Variants in EBF1 observed in about 807,000 individuals in gnomAD.
EBF1 encodes transcription factor COE1.
EBF1 carries 10 observed loss-of-function variants against 68.4 expected under a neutral mutation model. That is an observed-to-expected ratio of 0.15 (90% CI 0.09 to 0.25). EBF1 has a LOEUF of 0.25. Ranked by LOEUF, EBF1 falls within the 10% of genes least tolerant of loss-of-function variation. The pLI, the probability that EBF1 is intolerant of heterozygous loss-of-function variation, is 1.00. For synonymous variants in EBF1, 298 were observed against 299.8 expected (o/e 0.99, Z 0.06); for missense variants, 509 against 794.4 (o/e 0.64, Z 4.32).
chr5:158,822,259 C>CGGATGGATGGAT (rs1197459241), intron 8 of EBF1, among the ~76,000 whole-genome samples: 175 of 129,736 alleles, frequency 1.3e-3, no homozygotes, highest in Middle Eastern at 7.6e-3. Context: ...CTTGGATGGA[C>CGGATGGATGGAT]GGATGGACGG....
chr5:159,018,975 T>C (rs1766140486), intron 6 of EBF1: 1 of 152,248 alleles, frequency 6.6e-6, no homozygotes, highest in Non-Finnish European at 1.5e-5. Context: ...CCGCAAAGAC[T>C]ATAAGCCGCC....
chr5:159,059,974 A>T (rs1175766441), intron 6 of EBF1, among the ~76,000 whole-genome samples: 1 of 152,234 alleles, frequency 6.6e-6, no homozygotes, highest in Non-Finnish European at 1.5e-5. Flanking sequence ...TTGAAACAGG[A>T]AGTAAAATTC....
At chr5:158,890,718 T>C (rs1021629244) in intron 6 of EBF1, among the ~76,000 whole-genome samples, 2 of 152,210 alleles carry the variant, frequency 1.3e-5, no homozygotes, top group African/African-American at 4.8e-5. Context: ...GTATCAAATA[T>C]ACAAGAGTTT....
At chr5:158,846,586 G>A (rs1358220479) in intron 6 of EBF1, among the ~76,000 whole-genome samples, 1 of 152,196 alleles carries the variant, frequency 6.6e-6, no homozygotes, top group Admixed American at 6.5e-5. Context: ...CCTGAAAAAT[G>A]GATCTCCCTT....
In EBF1 at chr5:158,823,274, G is replaced by T. The variant is rs760973304; in HGVS notation, c.680C>A (p.Ala227Glu). ...ATGGACAAACATGTTATCAGAGACT[G>T]CCAGGACATGGCCATCCACATTGAC... ...TTVNVDGHVL[A>E]VSDNMFVHNN... Residue 227 changes from alanine to glutamate, a missense_variant, in exon 8 of 16, where the codon GCA (alanine) becomes GAA (glutamate). Coordinates refer to ENST00000313708, the MANE Select transcript of EBF1 (RefSeq NM_024007.5). The T allele has an allele frequency of 6.2e-7, 1 of 1,613,760 alleles. No individual in the cohort carries two copies. Among genetic ancestry groups the T allele is most frequent in the Admixed American group, 1.7e-5 (1 of 59,968 alleles).
At chr5:158,863,504 C>G (rs1582683120) in intron 6 of EBF1, among the ~76,000 whole-genome samples, 1 of 152,076 alleles carries the variant, frequency 6.6e-6, no homozygotes, top group East Asian at 1.9e-4. Context: ...CTGCTTGATT[C>G]CGGAACAACA....
Position 159,095,553 on chromosome 5 carries a change from C to A in EBF1, c.411+67G>T, listed in dbSNP as rs565681349. The A allele has an allele frequency of 7.2e-5, 115 of 1,590,322 alleles. No homozygotes were observed. The East Asian group carries it at 2.6e-3, about 36-fold the overall frequency. ...TCCCAGCCCACCTGCGGTGGAGCAA[C>A]TAGCTTCTTGACTGCCCTGAATTTT... On this transcript the variant is annotated intron_variant, in intron 4 of 15. Coordinates refer to ENST00000313708, the MANE Select transcript of EBF1 (RefSeq NM_024007.5).
chr5:158,808,516 G>C (rs1197245688), intron 8 of EBF1, among the ~76,000 whole-genome samples: 1 of 152,116 alleles, frequency 6.6e-6, no homozygotes, highest in Non-Finnish European at 1.5e-5. Flanking sequence ...GATTCAGGGG[G>C]CCTCAGCTAG....
intron 6 of EBF1, among the ~76,000 whole-genome samples, chr5:158,978,109 T>TG (rs1369449223): frequency 6.6e-6 from 1 of 152,230 alleles, no homozygotes; most frequent in African/African-American, 2.4e-5. Context: ...TGATGGGCCT[T>TG]GGCCATACAG....
intron 6 of EBF1, among the ~76,000 whole-genome samples, chr5:159,002,711 A>T (rs1762781270): frequency 6.6e-6 from 1 of 152,250 alleles, no homozygotes; most frequent in Non-Finnish European, 1.5e-5. Flanking sequence ...GGATGAAGCC[A>T]TATAGGCACC....
At chr5:158,847,134 C>T (rs1202159410) in intron 6 of EBF1, among the ~76,000 whole-genome samples, 3 of 152,076 alleles carry the variant, frequency 2.0e-5, no homozygotes, top group East Asian at 3.9e-4. Context: ...GTGTTCTCAG[C>T]CTGAAGGGAT....
At chr5:159,013,553 G>A (rs1765083657) in intron 6 of EBF1, among the ~76,000 whole-genome samples, 2 of 152,218 alleles carry the variant, frequency 1.3e-5, no homozygotes, top group South Asian at 4.1e-4. Context: ...CCAAGGTACA[G>A]GGAGCATGAA....
chr5:158,755,126 G>T (rs1439254818), intron 10 of EBF1, among the ~76,000 whole-genome samples: 1 of 151,908 alleles, frequency 6.6e-6, no homozygotes, highest in African/African-American at 2.4e-5. Flanking sequence ...GATGATGATG[G>T]TGTAGAGTTT....
chr5:159,098,156 G>A (rs1782992511), intron 1 of EBF1, among the ~76,000 whole-genome samples: 1 of 152,206 alleles, frequency 6.6e-6, no homozygotes, highest in Non-Finnish European at 1.5e-5. Context: ...ATAGGGCCTG[G>A]GGCCACCAGA....
At chr5:158,840,261 G>C in intron 6 of EBF1, 151 bp from the exon 7 acceptor site, 1 of 619,468 alleles carries the variant, frequency 1.6e-6, no homozygotes, top group East Asian at 2.9e-5. Flanking sequence ...TTCATTTGTG[G>C]CTTTAGCCTT....
chr5:158,748,696 T>C (rs904854761), intron 10 of EBF1, among the ~76,000 whole-genome samples: 15 of 152,172 alleles, frequency 9.9e-5, no homozygotes, highest in Non-Finnish European at 2.1e-4. Flanking sequence ...GTTCTGGGAC[T>C]GAGCAGTAAG....
At chr5:158,764,010 G>A (rs767264571) in intron 10 of EBF1, among the ~76,000 whole-genome samples, 123 of 152,232 alleles carry the variant, frequency 8.1e-4, no homozygotes, top group Admixed American at 4.7e-3. Flanking sequence ...CCATTAATCA[G>A]GCACTTACTG....
intron 4 of EBF1, among the ~76,000 whole-genome samples, chr5:159,088,713 G>A (rs1781135962): frequency 6.6e-6 from 1 of 152,140 alleles, no homozygotes; most frequent in Non-Finnish European, 1.5e-5. Flanking sequence ...GTTGTCTGTT[G>A]TGAGAGGGAC....
chr5:159,046,588 A>G (rs185777713), intron 6 of EBF1, among the ~76,000 whole-genome samples: 158 of 152,350 alleles, frequency 1.0e-3, no homozygotes, highest in Admixed American at 2.4e-3. Flanking sequence ...GACTCAAGCT[A>G]CTAGTGAGCG....
Sources: allele counts gnomAD v4.1 joint callset (sites outside exome capture counted in the v4.1 genomes callset), GRCh38; gene constraint gnomAD v4.1.1; transcripts MANE v1.5; gene names NCBI Gene and HGNC (gene_info 2026-07-23, HGNC 2026-07-21).